EIF3H: variants seen among roughly 807,000 people sequenced by gnomAD.
EIF3H encodes the protein eIF-3-gamma.
EIF3H carries 26 observed loss-of-function variants against 44.2 expected under a neutral mutation model. The observed-to-expected ratio is 0.59, with a 90% confidence interval of 0.43 to 0.82. The LOEUF is 0.82. EIF3H is among the 40% of genes least tolerant of loss of function. The pLI is 0.00. For missense variants in EIF3H, 359 were observed against 432.8 expected, an observed-to-expected ratio of 0.83 and a Z score of 1.51; for synonymous variants, 166 against 151.9, an observed-to-expected ratio of 1.09 and a Z score of -0.68.
intron 2 of EIF3H, among the ~76,000 whole-genome samples, chr8:116,698,928 T>G (rs1456824976): frequency 6.6e-6 from 1 of 152,076 alleles, no homozygotes; most frequent in African/African-American, 2.4e-5. Flanking sequence ...CAGGCAGATC[T>G]TTGAGCTCAG....
At chr8:116,665,881 C>A (rs1348513367) in intron 2 of EIF3H, among the ~76,000 whole-genome samples, 1 of 152,122 alleles carries the variant, frequency 6.6e-6, no homozygotes, top group Admixed American at 6.5e-5. Flanking sequence ...ACAGAATGTG[C>A]ATTTGAAAAA....
Position 116,755,817 on chromosome 8 carries a change from G to T in EIF3H, c.-20C>A, listed in dbSNP as rs74344182. ...CGCCATCTTTCCAAGCAGACAGGAA[G>T]AAAGAGAAACGTGAGTTACCGGAAG... On this transcript the variant is annotated 5_prime_UTR_variant, in exon 1 of 8. Coordinates refer to ENST00000521861, the MANE Select transcript of EIF3H (RefSeq NM_003756.3). 5 of 1,611,658 alleles carry T rather than the reference G, an allele frequency of 3.1e-6. No individual in the cohort carries two copies. The highest frequency in any genetic ancestry group is 4.2e-6 in the Non-Finnish European group (5 of 1,179,942).
chr8:116,766,342 T>G, upstream of EIF3H: 1 of 405,236 alleles, frequency 2.5e-6, no homozygotes, highest in Non-Finnish European at 4.4e-6. Context: ...CCGTGCGGAA[T>G]CGCGCACCCC....
intron 1 of EIF3H, among the ~76,000 whole-genome samples, chr8:116,751,211 CAAAAA>C (rs869150189): frequency 6.0e-5 from 6 of 100,426 alleles, no homozygotes; most frequent in African/African-American, 1.2e-4. Flanking sequence ...GACTCCGTCT[CAAAAA>C]AAAAATAAAA....
chr8:116,745,318 A>G (rs1815213784), intron 1 of EIF3H, among the ~76,000 whole-genome samples: 1 of 152,236 alleles, frequency 6.6e-6, no homozygotes, highest in Non-Finnish European at 1.5e-5. Context: ...GTAAGAAATT[A>G]CCCATTCAGG....
intron 2 of EIF3H, among the ~76,000 whole-genome samples, chr8:116,668,604 T>G (rs566532804): frequency 9.9e-5 from 15 of 152,146 alleles, no homozygotes; most frequent in African/African-American, 3.4e-4. Context: ...CTACTCTGAA[T>G]CTGAAGCACC....
chr8:116,665,832 G>T (rs577335369), intron 2 of EIF3H, among the ~76,000 whole-genome samples: 18 of 152,242 alleles, frequency 1.2e-4, no homozygotes, highest in African/African-American at 4.3e-4. Flanking sequence ...TACGTTTCAG[G>T]CAATGTTCAA....
At chr8:116,756,738 A>C (rs1180390511), upstream of EIF3H, among the ~76,000 whole-genome samples, 1 of 152,224 alleles carries the variant, frequency 6.6e-6, no homozygotes, top group African/African-American at 2.4e-5. Flanking sequence ...ACATGTTACA[A>C]ATTCTTAACA....
At position 116,648,924 on chromosome 8, in the gene EIF3H, T is replaced by C. The variant is rs748304137; in HGVS notation, c.710A>G (p.Asn237Ser). The change falls in exon 6 of 8, where the codon AAT becomes AGT. Residue 237 changes from asparagine to serine, a missense_variant and splice_region_variant. Asn to Ser is a conservative substitution (Grantham distance 46). Coordinates refer to ENST00000521861, the MANE Select transcript of EIF3H (RefSeq NM_003756.3). ...CAACTGTAGATTCTTCCCCAAATGA[T>C]TGCTGAAATGTAAAGTAAATATACT... ...KHELLSLASS[N>S]HLGKNLQLLM... The C allele has an allele frequency of 3.6e-5, 58 of 1,610,396 alleles. No individual in the cohort carries two copies. In the Admixed American group the frequency reaches 3.7e-4, roughly 10 times the overall value.
At chr8:116,723,138 G>A (rs1324286728) in intron 2 of EIF3H, among the ~76,000 whole-genome samples, 1 of 152,144 alleles carries the variant, frequency 6.6e-6, no homozygotes, top group Non-Finnish European at 1.5e-5. Context: ...GTGTGACAGT[G>A]TTAACTGTTC....
chr8:116,749,333 T>G (rs1815290092), intron 1 of EIF3H, among the ~76,000 whole-genome samples: 1 of 152,178 alleles, frequency 6.6e-6, no homozygotes, highest in Admixed American at 6.5e-5. Flanking sequence ...GAGAGCAAGC[T>G]TCTTCTCAAA....
chr8:116,675,561 C>T (rs1303934800), intron 2 of EIF3H, among the ~76,000 whole-genome samples: 1 of 152,184 alleles, frequency 6.6e-6, no homozygotes, highest in African/African-American at 2.4e-5. Context: ...GGGAGTAATC[C>T]CCAATACCCC....
intron 2 of EIF3H, among the ~76,000 whole-genome samples, chr8:116,704,035 G>C (rs1044455163): frequency 1.3e-5 from 2 of 152,152 alleles, no homozygotes; most frequent in African/African-American, 4.8e-5. Flanking sequence ...TCCTGCCTTA[G>C]GGGACTTAAA....
At chr8:116,732,319 A>G (rs924682772) in intron 1 of EIF3H, among the ~76,000 whole-genome samples, 1 of 152,216 alleles carries the variant, frequency 6.6e-6, no homozygotes, top group African/African-American at 2.4e-5. Context: ...AGGGTAAAAT[A>G]TAAATACCAA....
chr8:116,747,373 A>C (rs913621928), intron 1 of EIF3H, among the ~76,000 whole-genome samples: 1 of 152,170 alleles, frequency 6.6e-6, no homozygotes, highest in African/African-American at 2.4e-5. Context: ...ACATGTTCTT[A>C]ATGATAATAC....
chr8:116,652,278 G>A (rs188209907), intron 5 of EIF3H, among the ~76,000 whole-genome samples: 40 of 152,306 alleles, frequency 2.6e-4, no homozygotes, highest in African/African-American at 9.4e-4. Context: ...GACTTTGGAG[G>A]GAGGTCTTAC....
At chr8:116,724,950 AAACAGG>A (rs1814810153) in intron 2 of EIF3H, among the ~76,000 whole-genome samples, 1 of 152,228 alleles carries the variant, frequency 6.6e-6, no homozygotes, top group African/African-American at 2.4e-5. Flanking sequence ...AAGAAAATGG[AAACAGG>A]ATTTTGAAGA....
chr8:116,715,054 G>A (rs770988762), intron 2 of EIF3H, among the ~76,000 whole-genome samples: 2 of 152,040 alleles, frequency 1.3e-5, no homozygotes, highest in Non-Finnish European at 2.9e-5. Flanking sequence ...CTTGCACAGA[G>A]AGCACTGCAA....
At position 116,644,960 on chromosome 8, in the gene EIF3H, G is replaced by C. The variant is rs750379790; in HGVS notation, c.*46C>G. 6.9e-7 allele frequency: 1 copy of C among 1,449,666 alleles called. No individual in the cohort carries two copies. Among genetic ancestry groups the C allele is most frequent in the South Asian group, 1.2e-5 (1 of 86,180 alleles). The allele number at this position is 1,449,666 out of a possible 1,614,324, so 89.8% of individuals were successfully genotyped here. ...TTTCTTCCAAGAGTTGCCCTGGTGT[G>C]ACTTCAAGAGTTCATGTTAACTTCT... On this transcript the variant is annotated 3_prime_UTR_variant, in exon 8 of 8. Transcript: ENST00000521861.
Sources: gnomAD v4.1 joint callset for allele counts (sites outside exome capture counted in the v4.1 genomes callset) on GRCh38, gnomAD v4.1.1 for gene constraint, MANE v1.5 for transcripts, NCBI Gene and HGNC (gene_info 2026-07-23, HGNC 2026-07-21) for gene names.